Variants in FBXW4 observed in about 807,000 individuals in gnomAD.
The protein encoded by FBXW4 is F-box and WD repeat domain containing 4.
FBXW4 carries 40 observed loss-of-function variants against 61.8 expected under a neutral mutation model. The observed-to-expected ratio is 0.65, with a 90% confidence interval of 0.50 to 0.84. The LOEUF is 0.84. FBXW4 is among the 40% of genes least tolerant of loss of function. The pLI is 0.00. For missense variants in FBXW4, 672 were observed against 753.8 expected (o/e 0.89, Z 1.27); for synonymous variants, 311 against 313.8 (o/e 0.99, Z 0.10).
At chr10:101,625,123 G>A (rs2063897689) in intron 5 of FBXW4, 1 of 358,408 alleles carries the variant, frequency 2.8e-6, no homozygotes, top group African/African-American at 2.1e-5. Context: ...TTGAGCCCAG[G>A]AGAGAGCGAG....
At chr10:101,673,441 G>T (rs577833175) in intron 3 of FBXW4, 47 bp downstream of exon 3, 3 of 1,599,530 alleles carry the variant, frequency 1.9e-6, no homozygotes, top group Non-Finnish European at 2.6e-6. Flanking sequence ...GAATGTCCCC[G>T]AAGTATAAGA....
At chr10:101,638,957 G>A (rs570193134) in intron 5 of FBXW4, among the ~76,000 whole-genome samples, 1 of 152,292 alleles carries the variant, frequency 6.6e-6, no homozygotes, top group East Asian at 1.9e-4. Context: ...TAGGACTACA[G>A]AAGTAGGATC....
intron 5 of FBXW4, among the ~76,000 whole-genome samples, chr10:101,658,952 G>A (rs569623832): frequency 6.6e-6 from 1 of 152,086 alleles, no homozygotes; most frequent in Admixed American, 6.5e-5. Context: ...GAACGGATCA[G>A]TGCCATAAGT....
At chr10:101,649,993 C>G (rs1564914125) in intron 5 of FBXW4, among the ~76,000 whole-genome samples, 1 of 152,204 alleles carries the variant, frequency 6.6e-6, no homozygotes. Flanking sequence ...AGAAGCAGAG[C>G]AGACCACACC....
chr10:101,669,841 G>T (rs999934854), intron 4 of FBXW4, among the ~76,000 whole-genome samples: 1 of 150,724 alleles, frequency 6.6e-6, no homozygotes, highest in South Asian at 2.1e-4. Context: ...TGCAAGCTCC[G>T]CCTCCTGGGT....
intron 5 of FBXW4, among the ~76,000 whole-genome samples, chr10:101,641,293 G>C (rs2064051034): frequency 6.6e-6 from 1 of 152,050 alleles, no homozygotes; most frequent in Non-Finnish European, 1.5e-5. Context: ...AAATAATTAA[G>C]ATGGTGATGG....
Position 101,694,593 on chromosome 10 carries a change from C to T in FBXW4, c.513G>A (p.Arg171=). The part of the protein sequence containing the change: ...GEEEEEEEAA[R]ESAARPAAGP... ...CCGCGGCCGGGCGGGCAGCCGACTC[C>T]CGAGCCGCCTCCTCCTCCTCCTCCT... is the stretch of plus-strand genomic sequence containing the variant. Residue 171 remains arginine, a synonymous_variant, in exon 1 of 9, where the codon CGG becomes CGA. Transcript: ENST00000331272. The surrounding 1 kb of genome is among the most constrained non-coding windows in gnomAD (Gnocchi z 6.0). 1 of 1,453,694 alleles carries T rather than the reference C, an allele frequency of 6.9e-7. No homozygotes were observed. Among genetic ancestry groups the T allele is most frequent in the East Asian group, 2.9e-5 (1 of 34,262 alleles). 90.0% of individuals were successfully genotyped at this position (1,453,694 alleles called of 1,614,324 possible).
At chr10:101,683,308 A>G (rs1268060177) in intron 1 of FBXW4, among the ~76,000 whole-genome samples, 1 of 152,264 alleles carries the variant, frequency 6.6e-6, no homozygotes, top group East Asian at 1.9e-4. Flanking sequence ...TAATGCACAG[A>G]GGACCTGGCC....
intron 5 of FBXW4, among the ~76,000 whole-genome samples, chr10:101,637,290 G>C (rs2064011707): frequency 6.6e-6 from 1 of 150,422 alleles, no homozygotes; most frequent in East Asian, 2.0e-4. Flanking sequence ...TACTTGGGAG[G>C]CTGAGGCAGG....
intron 1 of FBXW4, among the ~76,000 whole-genome samples, chr10:101,682,862 G>T (rs961249585): frequency 2.0e-5 from 3 of 151,776 alleles, no homozygotes; most frequent in Admixed American, 6.6e-5. Context: ...GTTCAATTTG[G>T]CTTTGACTTG....
intron 6 of FBXW4, among the ~76,000 whole-genome samples, chr10:101,616,416 G>A (rs2063826787): frequency 6.6e-6 from 1 of 152,220 alleles, no homozygotes; most frequent in Admixed American, 6.5e-5. Context: ...CTGCCTTCAA[G>A]GAGTATTCAA....
At chr10:101,660,168 T>C (rs1176011234) in intron 5 of FBXW4, 1 of 985,438 alleles carries the variant, frequency 1.0e-6, no homozygotes, top group African/African-American at 1.7e-5. Context: ...AAAGAGCTCC[T>C]ACACAGCACC....
intron 5 of FBXW4, among the ~76,000 whole-genome samples, chr10:101,643,967 C>T (rs1428499306): frequency 6.6e-6 from 1 of 152,180 alleles, no homozygotes; most frequent in Non-Finnish European, 1.5e-5. Context: ...CCCCGCAAAG[C>T]CTAATTGACT....
chr10:101,642,320 G>A (rs1395345027), intron 5 of FBXW4, among the ~76,000 whole-genome samples: 1 of 152,080 alleles, frequency 6.6e-6, no homozygotes, highest in East Asian at 1.9e-4. Flanking sequence ...GGAAGCCGAG[G>A]CAGGAGGATT....
chr10:101,638,523 G>C (rs1051855612), intron 5 of FBXW4, among the ~76,000 whole-genome samples: 3 of 151,166 alleles, frequency 2.0e-5, no homozygotes, highest in African/African-American at 7.3e-5. Context: ...TAACGGGAGG[G>C]GACACAGGTC....
intron 5 of FBXW4, among the ~76,000 whole-genome samples, chr10:101,631,399 T>A (rs529320583): frequency 6.6e-6 from 1 of 152,034 alleles, no homozygotes; most frequent in African/African-American, 2.4e-5. Context: ...AGACTTATGA[T>A]ATACTATTAT....
At chr10:101,664,468 T>C (rs4917943) in intron 5 of FBXW4, among the ~76,000 whole-genome samples, 151,788 of 152,300 alleles carry the variant, frequency 1, 75,642 homozygotes, top group East Asian at 1. Flanking sequence ...CCCTCATATT[T>C]TCCATGAGGA....
chr10:101,665,429 C>T (rs1367087952), intron 5 of FBXW4, among the ~76,000 whole-genome samples: 1 of 152,042 alleles, frequency 6.6e-6, no homozygotes, highest in South Asian at 2.1e-4. Context: ...CACTGTGAGA[C>T]CCCTCTCAAA....
chr10:101,673,440 C>T (rs1444465055), intron 3 of FBXW4, 48 bp downstream of exon 3: 9 of 1,600,340 alleles, frequency 5.6e-6, no homozygotes, highest in South Asian at 1.1e-5. Context: ...AGAATGTCCC[C>T]GAAGTATAAG....
Sources: allele counts gnomAD v4.1 joint callset (sites outside exome capture counted in the v4.1 genomes callset), GRCh38; gene constraint gnomAD v4.1.1; non-coding constraint Gnocchi (gnomAD v3.1); transcripts MANE v1.5; gene names NCBI Gene and HGNC (gene_info 2026-07-23, HGNC 2026-07-21).